KAT6A: variants seen among roughly 807,000 people sequenced by gnomAD.
KAT6A encodes the protein lysine acetyltransferase 6A, also known as histone acetyltransferase KAT6A.
Under a neutral mutation model 198.4 loss-of-function variants are expected in KAT6A, and 9 were observed. The observed-to-expected ratio is 0.05, with a 90% CI of 0.03 to 0.08. The LOEUF (loss-of-function observed/expected upper bound fraction) is 0.08. Ranked by LOEUF, KAT6A falls within the 10% of genes least tolerant of loss-of-function variation. The probability of loss-of-function intolerance (pLI) is 1.00; values close to 1 mark genes in which losing one functional copy is unlikely to be tolerated. For missense variants in KAT6A, 2,077 were observed against 2,509.9 expected, an observed-to-expected ratio of 0.83 and a Z score of 3.69; for synonymous variants, 890 against 883.0, an observed-to-expected ratio of 1.01 and a Z score of -0.14.
intron 2 of KAT6A, among the ~76,000 whole-genome samples, chr8:42,007,576 G>C (rs1291165205): frequency 6.6e-6 from 1 of 152,116 alleles, no homozygotes; most frequent in African/African-American, 2.4e-5. Context: ...GCTTTTAAGG[G>C]CTGAGGAGTC....
At position 41,933,290 on chromosome 8, in the gene KAT6A, G is replaced by T; in HGVS notation, c.4930C>A (p.Pro1644Thr). 1 of 1,581,336 alleles carries T rather than the reference G, an allele frequency of 6.3e-7. No individual in the cohort carries two copies. The highest frequency in any genetic ancestry group is 8.6e-7 in the Non-Finnish European group (1 of 1,169,146). Residue 1644 changes from proline (P) to threonine (T), a missense_variant, in exon 17 of 17, where the codon CCC (proline) becomes ACC (threonine). By Grantham distance (38) the Pro-to-Thr change is conservative. This residue lies in a region of KAT6A where 500 missense variants were observed against 577.2 expected (regional missense o/e 0.87). Coordinates refer to ENST00000265713, the MANE Select transcript of KAT6A (RefSeq NM_006766.5). This position sits in a 1 kb window ranked among gnomAD's most constrained non-coding sequence, Gnocchi z 6.2. ...SPQSCVVERPPSNQQQQPPPP... is the reference protein window; with the variant it reads ...SPQSCVVERPTSNQQQQPPPP... Reference sequence around the variant, plus strand: ...GGCGGCTGCTGCTGCTGGTTACTGGGAGGCCTCTCCACCACGCAGCTCTGA... The same window carrying T: ...GGCGGCTGCTGCTGCTGGTTACTGGTAGGCCTCTCCACCACGCAGCTCTGA...
chr8:41,999,026 T>C (rs1477493386), intron 2 of KAT6A, among the ~76,000 whole-genome samples: 4 of 152,134 alleles, frequency 2.6e-5, no homozygotes, highest in Non-Finnish European at 5.9e-5. Flanking sequence ...CTTCTACAAT[T>C]AGACATCAAT....
At chr8:41,959,542 G>A (rs1374788174) in intron 8 of KAT6A, among the ~76,000 whole-genome samples, 1 of 152,190 alleles carries the variant, frequency 6.6e-6, no homozygotes, top group Non-Finnish European at 1.5e-5. Context: ...CTTTGTATAT[G>A]GGTATCTATT....
intron 2 of KAT6A, among the ~76,000 whole-genome samples, chr8:42,000,786 T>A (rs1288954594): frequency 2.0e-5 from 3 of 152,176 alleles, no homozygotes; most frequent in Non-Finnish European, 4.4e-5. Context: ...AGAATCATGA[T>A]GTTTGGAACT....
chr8:42,042,963 T>C (rs913780309), intron 2 of KAT6A, among the ~76,000 whole-genome samples: 12 of 152,178 alleles, frequency 7.9e-5, no homozygotes, highest in African/African-American at 2.7e-4. Flanking sequence ...ATAAAGATAA[T>C]TTTTTAAATG....
At chr8:41,992,653 G>T (rs984517190) in intron 2 of KAT6A, among the ~76,000 whole-genome samples, 1 of 152,122 alleles carries the variant, frequency 6.6e-6, no homozygotes, top group African/African-American at 2.4e-5. Context: ...AAAGCTCATT[G>T]TATCACTTTA....
At chr8:42,013,528 C>T (rs1458867081) in intron 2 of KAT6A, among the ~76,000 whole-genome samples, 2 of 152,166 alleles carry the variant, frequency 1.3e-5, no homozygotes, top group Non-Finnish European at 2.9e-5. Context: ...CCACCACGCC[C>T]GGCCTTGGCT....
Position 41,955,389 on chromosome 8 carries a change from G to C in KAT6A, c.1505C>G (p.Pro502Arg). Reference sequence around the variant, plus strand: ...AGAGGGACAGCGGACTTGTGGATCAGGGGGACCAGTCACTCCAACTTTCTG... The same window carrying C: ...AGAGGGACAGCGGACTTGTGGATCACGGGGACCAGTCACTCCAACTTTCTG... ...ALQKVGVTGP[P>R]DPQVRCPSVI... Residue 502 changes from proline (P) to arginine (R), a missense_variant, in exon 9 of 17, where the codon CCT (proline) becomes CGT (arginine). Physicochemically the swap from Pro to Arg is moderately radical, Grantham distance 103. Transcript: ENST00000265713. 2 of 1,611,932 alleles carry C rather than the reference G, an allele frequency of 1.2e-6. No homozygotes were observed. Among genetic ancestry groups the C allele is most frequent in the Non-Finnish European group, 8.5e-7 (1 of 1,178,742 alleles).
At chr8:41,996,001 A>G (rs1825184916) in intron 2 of KAT6A, among the ~76,000 whole-genome samples, 1 of 151,904 alleles carries the variant, frequency 6.6e-6, no homozygotes, top group South Asian at 2.1e-4. Flanking sequence ...TTCCCCCAAT[A>G]CTGTCTTTAA....
chr8:42,003,713 C>G (rs1825607439), intron 2 of KAT6A, among the ~76,000 whole-genome samples: 1 of 152,060 alleles, frequency 6.6e-6, no homozygotes, highest in African/African-American at 2.4e-5. Flanking sequence ...AGCCCTAATT[C>G]CTCAATGTGA....
chr8:41,935,587 C>T (rs1821808717), intron 16 of KAT6A, among the ~76,000 whole-genome samples: 1 of 152,126 alleles, frequency 6.6e-6, no homozygotes, highest in Non-Finnish European at 1.5e-5. Context: ...CTATACGTAA[C>T]ATAAAACTTA....
At chr8:42,030,566 ATTATTATTTTT>A (rs1331534597) in intron 2 of KAT6A, among the ~76,000 whole-genome samples, 2 of 151,542 alleles carry the variant, frequency 1.3e-5, no homozygotes, top group Non-Finnish European at 2.9e-5. Context: ...ATTTTATTTT[ATTATTATTTTT>A]TTTTTGAGAC....
At chr8:41,937,693 A>G in intron 15 of KAT6A, 125 bp from the exon 16 acceptor site, 4 of 662,828 alleles carry the variant, frequency 6.0e-6, no homozygotes, top group Non-Finnish European at 1.0e-5. Context: ...TTGCCAAAAA[A>G]TATTTTGAAT....
intron 2 of KAT6A, among the ~76,000 whole-genome samples, chr8:42,014,820 T>G (rs1161732937): frequency 1.3e-5 from 2 of 152,182 alleles, no homozygotes; most frequent in African/African-American, 2.4e-5. Flanking sequence ...CAGTATGTGA[T>G]CCAATGAAAT....
chr8:42,041,564 C>A (rs1827670710), intron 2 of KAT6A, among the ~76,000 whole-genome samples: 1 of 152,006 alleles, frequency 6.6e-6, no homozygotes, highest in Non-Finnish European at 1.5e-5. Context: ...ATGGTGAAAC[C>A]CCATTTCTAT....
At chr8:42,031,276 A>G (rs1250356047) in intron 2 of KAT6A, among the ~76,000 whole-genome samples, 4 of 152,224 alleles carry the variant, frequency 2.6e-5, no homozygotes, top group African/African-American at 9.7e-5. Context: ...ACTTTTAAAA[A>G]TATTATATGG....
At chr8:41,938,246 T>C (rs1415654561) in intron 15 of KAT6A, among the ~76,000 whole-genome samples, 1 of 152,226 alleles carries the variant, frequency 6.6e-6, no homozygotes, top group Non-Finnish European at 1.5e-5. Context: ...AGAGAGGGTA[T>C]AGGACTTGCT....
intron 12 of KAT6A, 40 bp from the exon 13 acceptor site, chr8:41,944,019 C>A (rs1241646419): frequency 7.0e-7 from 1 of 1,426,176 alleles, no homozygotes. Context: ...ACTAGGTCAG[C>A]AACTCTGAAA....
At chr8:41,998,172 G>T (rs189439699) in intron 2 of KAT6A, among the ~76,000 whole-genome samples, 57 of 152,202 alleles carry the variant, frequency 3.7e-4, no homozygotes, top group Admixed American at 7.2e-4. Context: ...ACTTATAAAT[G>T]TCAGTCAATT....
Sources: gnomAD v4.1 joint callset for allele counts (sites outside exome capture counted in the v4.1 genomes callset) on GRCh38, gnomAD v4.1.1 for gene constraint, gnomAD v4.1.1 regional missense constraint, Gnocchi (gnomAD v3.1) non-coding constraint, MANE v1.5 for transcripts, NCBI Gene and HGNC (gene_info 2026-07-23, HGNC 2026-07-21) for gene names.